The following NALF1 variants were observed in gnomAD, a reference collection of about 807,000 sequenced individuals.
NALF1 encodes NALCN channel auxiliary factor 1.
NALF1 carries 3 observed loss-of-function variants against 48.4 expected under a neutral mutation model. That is an observed-to-expected ratio of 0.06 (90% CI 0.03 to 0.16). The LOEUF is 0.16. NALF1 is among the 10% of genes least tolerant of loss of function. The pLI is 1.00. For synonymous variants in NALF1, 262 were observed against 245.7 expected (o/e 1.07, Z -0.62); for missense variants, 526 against 571.5 (o/e 0.92, Z 0.81).
intron 1 of NALF1, among the ~76,000 whole-genome samples, chr13:107,321,339 A>G (rs1046517347): frequency 1.3e-5 from 2 of 152,122 alleles, no homozygotes; most frequent in Admixed American, 1.3e-4. Context: ...AAATATGAGA[A>G]CATCGCAAGA....
intron 1 of NALF1, among the ~76,000 whole-genome samples, chr13:107,839,018 T>C (rs1030368052): frequency 5.9e-5 from 9 of 152,112 alleles, no homozygotes; most frequent in South Asian, 2.1e-4. Flanking sequence ...TCTGCCTGTG[T>C]TTGAGTCCAT....
At chr13:107,641,522 C>G (rs1191209810) in intron 1 of NALF1, among the ~76,000 whole-genome samples, 7 of 152,044 alleles carry the variant, frequency 4.6e-5, no homozygotes, top group Non-Finnish European at 8.8e-5. Flanking sequence ...CACTATTATA[C>G]ATTCATTTAA....
chr13:107,697,400 C>A (rs555884118), intron 1 of NALF1, among the ~76,000 whole-genome samples: 18 of 152,082 alleles, frequency 1.2e-4, no homozygotes, highest in African/African-American at 4.3e-4. Context: ...TAGAATTAGC[C>A]CAAAACATTA....
intron 1 of NALF1, among the ~76,000 whole-genome samples, chr13:107,342,052 G>A (rs1882692054): frequency 6.6e-6 from 1 of 152,124 alleles, no homozygotes; most frequent in African/African-American, 2.4e-5. Flanking sequence ...GCCATAGCCA[G>A]CCAAGCAACA....
At chr13:107,774,189 T>C (rs1165481159) in intron 1 of NALF1, among the ~76,000 whole-genome samples, 1 of 152,190 alleles carries the variant, frequency 6.6e-6, no homozygotes, top group Non-Finnish European at 1.5e-5. Context: ...TAATCCAGTG[T>C]CAATTTAAAT....
chr13:107,375,923 T>TACACACACACAC (rs373266204), intron 1 of NALF1, among the ~76,000 whole-genome samples: 31 of 149,418 alleles, frequency 2.1e-4, no homozygotes, highest in African/African-American at 7.1e-4. Context: ...CAACCTGCTA[T>TACACACACACAC]ACACACACAC....
intron 1 of NALF1, among the ~76,000 whole-genome samples, chr13:107,639,272 A>T (rs1880081149): frequency 6.6e-6 from 1 of 152,182 alleles, no homozygotes; most frequent in Non-Finnish European, 1.5e-5. Context: ...TGCAAGCTGC[A>T]GCCTGAAATA....
At chr13:107,453,295 C>T (rs569468228) in intron 1 of NALF1, among the ~76,000 whole-genome samples, 4 of 152,336 alleles carry the variant, frequency 2.6e-5, no homozygotes, top group African/African-American at 9.6e-5. Flanking sequence ...TACATCTCTG[C>T]CTGGACATCC....
At chr13:107,313,965 T>C (rs1285715667) in intron 1 of NALF1, among the ~76,000 whole-genome samples, 1 of 152,174 alleles carries the variant, frequency 6.6e-6, no homozygotes, top group Admixed American at 6.6e-5. Context: ...CCTGAGGCTG[T>C]ATCAGGGGTG....
At chr13:107,675,418 G>A (rs550842328) in intron 1 of NALF1, among the ~76,000 whole-genome samples, 5 of 152,110 alleles carry the variant, frequency 3.3e-5, no homozygotes, top group African/African-American at 1.2e-4. Context: ...TTCTGCGGAT[G>A]GGGGGGAAGG....
intron 1 of NALF1, among the ~76,000 whole-genome samples, chr13:107,298,221 G>T (rs1479746898): frequency 6.6e-6 from 1 of 151,216 alleles, no homozygotes; most frequent in Non-Finnish European, 1.5e-5. Flanking sequence ...GTGTTGGCGG[G>T]CGCCTGTAGT....
intron 1 of NALF1, among the ~76,000 whole-genome samples, chr13:107,418,029 C>G (rs1469641269): frequency 6.6e-6 from 1 of 152,130 alleles, no homozygotes; most frequent in Non-Finnish European, 1.5e-5. Flanking sequence ...CCATTGAACT[C>G]CAGGCTGGGG....
intron 2 of NALF1, among the ~76,000 whole-genome samples, chr13:107,200,446 G>A (rs1879488100): frequency 6.6e-6 from 1 of 152,184 alleles, no homozygotes; most frequent in Non-Finnish European, 1.5e-5. Context: ...AGGACTTCGA[G>A]CGAGGGGCAT....
chr13:107,382,312 TTATA>T (rs950400130), intron 1 of NALF1, among the ~76,000 whole-genome samples: 2 of 152,172 alleles, frequency 1.3e-5, no homozygotes, highest in African/African-American at 4.8e-5. Flanking sequence ...GTTTGAATAG[TTATA>T]TAAACAACTC....
intron 1 of NALF1, among the ~76,000 whole-genome samples, chr13:107,577,474 C>T (rs563638595): frequency 3.0e-5 from 1 of 33,194 alleles, no homozygotes; most frequent in African/African-American, 1.1e-4. Context: ...TAGATATCTG[C>T]AATACCCCCA....
chr13:107,758,179 T>C (rs1379545411), intron 1 of NALF1, among the ~76,000 whole-genome samples: 1 of 152,130 alleles, frequency 6.6e-6, no homozygotes, highest in Non-Finnish European at 1.5e-5. Flanking sequence ...AAAAGAACTG[T>C]GATTGCATTT....
rs1879987897 is a variant in NALF1, at chr13:107,636,758, TTTC to T, written c.915+228921_915+228923del. On this transcript the variant is annotated intron_variant, in intron 1 of 2. Coordinates refer to ENST00000375915, the MANE Select transcript of NALF1 (RefSeq NM_001080396.3). ...CAGTACAGCAAAGTTATTTTCTATT[TTTC>T]TTAATACTGCCCAGTATTTAAATTT... Among the ~76,000 whole-genome samples the T allele has an allele frequency of 2.0e-5, 3 of 151,906 alleles. No individual in the cohort carries two copies. The South Asian group carries it at 6.2e-4, about 32-fold the overall frequency.
intron 1 of NALF1, among the ~76,000 whole-genome samples, chr13:107,484,496 T>A (rs1255847313): frequency 6.6e-6 from 1 of 152,118 alleles, no homozygotes; most frequent in Non-Finnish European, 1.5e-5. Context: ...CTTTCTTCTT[T>A]TTTTCTTCTC....
intron 1 of NALF1, among the ~76,000 whole-genome samples, chr13:107,432,994 CTT>C (rs2139018947): frequency 6.6e-6 from 1 of 152,248 alleles, no homozygotes; most frequent in South Asian, 2.1e-4. Context: ...CCTTTTGACT[CTT>C]TTTCCTCAAC....
Sources: allele counts gnomAD v4.1 joint callset (sites outside exome capture counted in the v4.1 genomes callset), GRCh38; gene constraint gnomAD v4.1.1; transcripts MANE v1.5; gene names NCBI Gene and HGNC (gene_info 2026-07-23, HGNC 2026-07-21).